GRID1: variants seen among roughly 807,000 people sequenced by gnomAD.
GRID1 encodes the protein glutamate ionotropic receptor delta type subunit 1, also known as glutamate receptor ionotropic, delta-1.
A neutral mutation model predicts 98.0 loss-of-function variants in GRID1; 28 were observed. The ratio of observed to expected loss-of-function variants is 0.29; its 90% CI spans 0.21 to 0.39. GRID1 has a LOEUF of 0.39. Among genes scored for constraint, GRID1 ranks in the 10% least tolerant of loss-of-function variants. The pLI, the probability that GRID1 is intolerant of heterozygous loss-of-function variation, is 1.00. For synonymous variants in GRID1, 553 were observed against 538.5 expected (o/e 1.03, Z -0.37); for missense variants, 1,111 against 1,340.5 (o/e 0.83, Z 2.67).
At chr10:85,838,086 A>G (rs1002186122) in intron 8 of GRID1, among the ~76,000 whole-genome samples, 1 of 152,236 alleles carries the variant, frequency 6.6e-6, no homozygotes, top group African/African-American at 2.4e-5. Flanking sequence ...CCTTTCTGAA[A>G]TAAGACAGGC....
chr10:86,187,879 T>C (rs1299539562), intron 3 of GRID1, among the ~76,000 whole-genome samples: 1 of 152,136 alleles, frequency 6.6e-6, no homozygotes, highest in Non-Finnish European at 1.5e-5. Flanking sequence ...CAACTAGAGA[T>C]GTCAGAGTCA....
chr10:86,269,076 C>T (rs2607858), intron 2 of GRID1, among the ~76,000 whole-genome samples: 120,343 of 152,166 alleles, frequency 0.79, 49,491 homozygotes, highest in Non-Finnish European at 0.91. Context: ...CTTGGACAAA[C>T]CCCTTCACCT....
intron 10 of GRID1, among the ~76,000 whole-genome samples, chr10:85,726,112 A>G (rs1283745699): frequency 6.6e-6 from 1 of 152,218 alleles, no homozygotes; most frequent in Admixed American, 6.5e-5. Flanking sequence ...CTGACAGGGG[A>G]CAGGGGACAC....
intron 4 of GRID1, among the ~76,000 whole-genome samples, chr10:86,075,106 G>C (rs1437717703): frequency 6.8e-6 from 1 of 146,628 alleles, no homozygotes; most frequent in East Asian, 2.0e-4. Context: ...CACCCACCAT[G>C]GTCCCCGCGG....
chr10:85,907,929 C>A lies in GRID1; in HGVS notation c.780+8257G>T, dbSNP rs192702370. Among the ~76,000 whole-genome samples, 54 of 152,134 alleles carry A rather than the reference C, an allele frequency of 3.5e-4. No individual in the cohort carries two copies. The East Asian group carries it at 9.6e-3, about 27-fold the overall frequency. On this transcript the variant is annotated intron_variant, in intron 5 of 15. Coordinates refer to ENST00000327946, the MANE Select transcript of GRID1 (RefSeq NM_017551.3). ...TATTAATAAACTGCAAAAAGAAAAA[C>A]CATATGATCATCTGAACAGATGCAG... is the stretch of plus-strand genomic sequence containing the variant.
chr10:85,989,990 C>CGCT (rs1031172953), intron 4 of GRID1, among the ~76,000 whole-genome samples: 12 of 152,110 alleles, frequency 7.9e-5, no homozygotes, highest in African/African-American at 2.9e-4. Flanking sequence ...AAAAGACAGC[C>CGCT]GCCTGTGAAC....
chr10:86,259,191 A>C (rs554097597), intron 2 of GRID1, among the ~76,000 whole-genome samples: 164 of 152,332 alleles, frequency 1.1e-3, no homozygotes, highest in Admixed American at 2.9e-3. Context: ...GTTTCCTTTG[A>C]CGACCCAGCC....
chr10:86,215,574 G>A (rs1846166355), intron 2 of GRID1, among the ~76,000 whole-genome samples: 1 of 152,116 alleles, frequency 6.6e-6, no homozygotes. Flanking sequence ...GGACAGTGAT[G>A]AGTCCTGGGC....
chr10:86,254,194 C>T (rs1248750745), intron 2 of GRID1, among the ~76,000 whole-genome samples: 1 of 152,170 alleles, frequency 6.6e-6, no homozygotes, highest in African/African-American at 2.4e-5. Flanking sequence ...CAGTCAGCCT[C>T]CTCCCTCACA....
chr10:86,157,400 C>T (rs1192527076), intron 3 of GRID1, among the ~76,000 whole-genome samples: 2 of 152,150 alleles, frequency 1.3e-5, no homozygotes, highest in African/African-American at 4.8e-5. Flanking sequence ...GAAAAGGGGG[C>T]ATTTCCAGTA....
chr10:85,885,749 C>T (rs952568557), intron 5 of GRID1, among the ~76,000 whole-genome samples: 2 of 152,076 alleles, frequency 1.3e-5, no homozygotes, highest in Non-Finnish European at 1.5e-5. Flanking sequence ...AGTGTTACTT[C>T]GTCACCTGCA....
chr10:85,712,779 A>G (rs1841595874), intron 12 of GRID1, among the ~76,000 whole-genome samples: 1 of 151,832 alleles, frequency 6.6e-6, no homozygotes, highest in African/African-American at 2.4e-5. Context: ...AAATAAGAAA[A>G]TTTATAAAAT....
At chr10:86,324,877 T>C (rs1437215118) in intron 2 of GRID1, among the ~76,000 whole-genome samples, 2 of 151,194 alleles carry the variant, frequency 1.3e-5, no homozygotes, top group Non-Finnish European at 2.9e-5. Flanking sequence ...TTCAAGATAA[T>C]AGGATGAGAA....
intron 8 of GRID1, among the ~76,000 whole-genome samples, chr10:85,758,354 G>C (rs1842117983): frequency 6.6e-6 from 1 of 152,188 alleles, no homozygotes; most frequent in Non-Finnish European, 1.5e-5. Context: ...CCATCAGCCA[G>C]GGAAAACCAC....
chr10:85,721,345 G>A (rs1422224301), intron 12 of GRID1, among the ~76,000 whole-genome samples: 1 of 152,174 alleles, frequency 6.6e-6, no homozygotes, highest in East Asian at 1.9e-4. Context: ...ACTCTTGGGT[G>A]TTTATCACAT....
At chr10:86,213,304 C>T (rs563427940) in intron 2 of GRID1, among the ~76,000 whole-genome samples, 2 of 152,254 alleles carry the variant, frequency 1.3e-5, no homozygotes, top group South Asian at 2.1e-4. Flanking sequence ...ACTTGGTGAC[C>T]TTGGCCACAT....
chr10:86,023,292 T>G (rs1843074518), intron 4 of GRID1, among the ~76,000 whole-genome samples: 1 of 152,220 alleles, frequency 6.6e-6, no homozygotes, highest in Admixed American at 6.5e-5. Flanking sequence ...CAGTCATCAC[T>G]GCAATCCACA....
At chr10:86,354,269 T>TG (rs1239569452) in intron 2 of GRID1, among the ~76,000 whole-genome samples, 1 of 152,218 alleles carries the variant, frequency 6.6e-6, no homozygotes, top group Non-Finnish European at 1.5e-5. Context: ...GCAAGGCCGG[T>TG]GTCTCAGCCC....
intron 3 of GRID1, among the ~76,000 whole-genome samples, chr10:86,179,360 C>G (rs1486871174): frequency 6.6e-6 from 1 of 151,934 alleles, no homozygotes; most frequent in Non-Finnish European, 1.5e-5. Flanking sequence ...CAGACATTTA[C>G]TCATTCAAAT....
Sources: allele counts gnomAD v4.1 joint callset (sites outside exome capture counted in the v4.1 genomes callset), GRCh38; gene constraint gnomAD v4.1.1; transcripts MANE v1.5; gene names NCBI Gene and HGNC (gene_info 2026-07-23, HGNC 2026-07-21).